Variants in DNAH9 observed in about 807,000 individuals in gnomAD.
DNAH9 encodes the protein dynein axonemal heavy chain 9.
DNAH9 carries 345 observed loss-of-function variants against 471.6 expected under a neutral mutation model. The ratio of observed to expected loss-of-function variants is 0.73; its 90% confidence interval spans 0.67 to 0.80. The LOEUF is 0.80. DNAH9 is among the 30% of genes least tolerant of loss of function. The pLI is 0.00. For synonymous variants in DNAH9, 2,093 were observed against 2,123.6 expected, an observed-to-expected ratio of 0.99 and a Z score of 0.40; for missense variants, 5,407 against 5,609.2, an observed-to-expected ratio of 0.96 and a Z score of 1.15.
intron 61 of DNAH9, 98 bp from the exon 62 acceptor site, chr17:11,923,716 G>T: frequency 6.7e-7 from 1 of 1,492,216 alleles, no homozygotes; most frequent in East Asian, 2.3e-5. Context: ...GCATGCCCGT[G>T]TTTGAGGGGT....
chr17:11,856,098 A>G (rs543895816), intron 50 of DNAH9, among the ~76,000 whole-genome samples: 4 of 152,306 alleles, frequency 2.6e-5, no homozygotes, highest in Admixed American at 2.0e-4. Flanking sequence ...CTCAACTGCT[A>G]CTGCCCCATT....
chr17:11,791,920 G>T (rs900612234), intron 41 of DNAH9, among the ~76,000 whole-genome samples: 3 of 152,088 alleles, frequency 2.0e-5, no homozygotes, highest in African/African-American at 7.2e-5. Context: ...AGAAAAGTTT[G>T]CAGGATCAGA....
intron 4 of DNAH9, 60 bp downstream of exon 4, chr17:11,611,840 A>G: frequency 3.9e-6 from 6 of 1,551,450 alleles, no homozygotes; most frequent in Non-Finnish European, 5.3e-6. Context: ...CGAATGATGC[A>G]TTCACCTCTC....
chr17:11,645,754 A>G (rs1346700918), intron 11 of DNAH9, among the ~76,000 whole-genome samples: 1 of 151,576 alleles, frequency 6.6e-6, no homozygotes, highest in African/African-American at 2.4e-5. Context: ...ATCCTCTGAG[A>G]CCCAAGCAAG....
At chr17:11,906,224 C>T (rs1426318944) in intron 61 of DNAH9, among the ~76,000 whole-genome samples, 2 of 152,162 alleles carry the variant, frequency 1.3e-5, no homozygotes, top group African/African-American at 4.8e-5. Context: ...AGAAATTATT[C>T]TATTAACATT....
chr17:11,914,162 A>C (rs1597820183), intron 61 of DNAH9, among the ~76,000 whole-genome samples: 1 of 152,336 alleles, frequency 6.6e-6, no homozygotes, highest in East Asian at 1.9e-4. Context: ...CAGAGGTTCA[A>C]AACATGTCAA....
intron 49 of DNAH9, among the ~76,000 whole-genome samples, chr17:11,843,463 T>C (rs1312524281): frequency 4.6e-5 from 7 of 152,082 alleles, no homozygotes; most frequent in Non-Finnish European, 5.9e-5. Flanking sequence ...TTAAAAGATA[T>C]GAATAAACAT....
chr17:11,634,505 G>A (rs896234974), intron 8 of DNAH9, among the ~76,000 whole-genome samples: 1 of 152,142 alleles, frequency 6.6e-6, no homozygotes, highest in Non-Finnish European at 1.5e-5. Context: ...GGTTGGCCAT[G>A]GTGGTCCCTC....
At chr17:11,792,482 AG>A (rs2150907322) in intron 41 of DNAH9, among the ~76,000 whole-genome samples, 1 of 152,354 alleles carries the variant, frequency 6.6e-6, no homozygotes, top group South Asian at 2.1e-4. Context: ...GAGGTTATTG[AG>A]GGGCTCTAAC....
At chr17:11,743,654 C>G (rs1306293402) in intron 30 of DNAH9, among the ~76,000 whole-genome samples, 1 of 152,140 alleles carries the variant, frequency 6.6e-6, no homozygotes, top group East Asian at 1.9e-4. Context: ...CTCACCTGAG[C>G]CTGTGGACAT....
At position 11,961,995 on chromosome 17, in the gene DNAH9, C is replaced by G. The variant is rs960096362; in HGVS notation, c.12972C>G (p.Leu4324=). The change falls in exon 68 of 69, where the codon CTC becomes CTG. Residue 4324 remains leucine, a synonymous_variant. Transcript: ENST00000262442. ...GCCTGGCAGCCTGGTTTCCAGACCT[C>G]CTCAACAGAATCAAGGAGCTAGAGG... ...TAGLAAWFPD[L]LNRIKELEAW... 2 of 1,614,158 alleles carry G rather than the reference C, an allele frequency of 1.2e-6. No individual in the cohort carries two copies. Among genetic ancestry groups the G allele is most frequent in the South Asian group, 2.2e-5 (2 of 91,090 alleles).
At position 11,933,566 on chromosome 17, in the gene DNAH9, G is replaced by A. The variant is rs139976233; in HGVS notation, c.12298-314G>A. On this transcript the variant is annotated intron_variant, in intron 64 of 68. Coordinates refer to ENST00000262442, the MANE Select transcript of DNAH9 (RefSeq NM_001372.4). ...CAGCTAATTTTGTATTTTTAGTAGC[G>A]ATGGGGTTTCTCCATGTTGGTCAGG... 8.7e-3 allele frequency among the ~76,000 whole-genome samples: 1,323 copies of A among 151,992 alleles called. 22 individuals carry two copies. The highest frequency in any genetic ancestry group is 0.03 in the African/African-American group (1,250 of 41,424).
intron 61 of DNAH9, among the ~76,000 whole-genome samples, chr17:11,910,998 G>T (rs12453561): frequency 0.36 from 54,727 of 151,826 alleles, 10,689 homozygotes; most frequent in East Asian, 0.7. Context: ...GGGTTTTCTA[G>T]TTGCTTTTTT....
At chr17:11,895,046 C>T (rs376882356) in intron 59 of DNAH9, among the ~76,000 whole-genome samples, 66 of 152,324 alleles carry the variant, frequency 4.3e-4, no homozygotes, top group African/African-American at 1.5e-3. Flanking sequence ...TCCCATTTAA[C>T]ATAGGAGGAA....
rs1212348509 is a variant in DNAH9, at chr17:11,708,053, A to AGAGAGAGC, written c.5552+2871_5552+2872insAGAGCGAG. Among the ~76,000 whole-genome samples, 8 of 147,972 alleles carry AGAGAGAGC rather than the reference A, an allele frequency of 5.4e-5. No individual in the cohort carries two copies. The East Asian group carries it at 1.7e-3, about 31-fold the overall frequency. The stretch of plus-strand genomic sequence containing the variant: ...GAGAGAGAGAGAGAGAGAGAGAGAG[A>AGAGAGAGC]GAGCAGGTAACCCTGACAGAGCCTC... On this transcript the variant is annotated intron_variant, in intron 26 of 68. Transcript: ENST00000262442.
At chr17:11,794,336 A>G (rs1214073085) in intron 42 of DNAH9, among the ~76,000 whole-genome samples, 1 of 152,196 alleles carries the variant, frequency 6.6e-6, no homozygotes, top group Non-Finnish European at 1.5e-5. Context: ...TGCTGGGATT[A>G]CAGGCGTGAG....
chr17:11,804,425 A>G (rs1969583884), intron 43 of DNAH9, among the ~76,000 whole-genome samples: 1 of 152,256 alleles, frequency 6.6e-6, no homozygotes, highest in African/African-American at 2.4e-5. Context: ...AAAGGGTTTC[A>G]CAAATTGAGA....
intron 10 of DNAH9, among the ~76,000 whole-genome samples, chr17:11,640,595 C>T (rs2073253034): frequency 6.6e-6 from 1 of 152,216 alleles, no homozygotes; most frequent in Non-Finnish European, 1.5e-5. Flanking sequence ...GTGTTAAGTG[C>T]TGTAACTGGC....
intron 13 of DNAH9, among the ~76,000 whole-genome samples, chr17:11,652,269 G>T (rs1255418041): frequency 1.4e-5 from 2 of 139,368 alleles, no homozygotes; most frequent in East Asian, 4.4e-4. Flanking sequence ...CAGGATTATG[G>T]TAAGGGTAGG....
Sources: allele counts gnomAD v4.1 joint callset (sites outside exome capture counted in the v4.1 genomes callset), GRCh38; gene constraint gnomAD v4.1.1; transcripts MANE v1.5; gene names NCBI Gene and HGNC (gene_info 2026-07-23, HGNC 2026-07-21).